Variants in CSMD1 observed in about 807,000 individuals in gnomAD.
CSMD1 encodes CUB and sushi domain-containing protein 1.
Under a neutral mutation model 417.5 loss-of-function variants are expected in CSMD1, and 213 were observed. The ratio of observed to expected loss-of-function variants is 0.51; its 90% CI spans 0.46 to 0.57. CSMD1 has a LOEUF of 0.57. Among genes scored for constraint, CSMD1 ranks in the 20% least tolerant of loss-of-function variants. The pLI, the probability that CSMD1 is intolerant of heterozygous loss-of-function variation, is 0.00. For synonymous variants in CSMD1, 2,862 were observed against 1,736.8 expected, an observed-to-expected ratio of 1.65 and a Z score of -16.11; for missense variants, 6,923 against 4,529.7, an observed-to-expected ratio of 1.53 and a Z score of -15.17.
chr8:4,419,709 C>G (rs1797139775), intron 3 of CSMD1, among the ~76,000 whole-genome samples: 1 of 151,994 alleles, frequency 6.6e-6, no homozygotes, highest in Non-Finnish European at 1.5e-5. Flanking sequence ...ACAAATTAAC[C>G]AAAACAAAAC....
At position 4,395,814 on chromosome 8, in the gene CSMD1, C is replaced by T. The variant is rs573329528; in HGVS notation, c.415+24139G>A. Among the ~76,000 whole-genome samples the T allele has an allele frequency of 5.9e-5, 9 of 152,196 alleles. 1 individual carries two copies. The South Asian group carries it at 1.9e-3, about 32-fold the overall frequency. On this transcript the variant is annotated intron_variant, in intron 3 of 69. Transcript: ENST00000635120. ...CAATTCAATTATGCATGTGAACCCT[C>T]AAAGTAGATACACATTAACTTAGAA... is the stretch of plus-strand genomic sequence containing the variant.
intron 5 of CSMD1, among the ~76,000 whole-genome samples, chr8:3,914,526 C>G (rs1808682956): frequency 6.6e-6 from 1 of 152,056 alleles, no homozygotes; most frequent in Non-Finnish European, 1.5e-5. Flanking sequence ...TTTTGTAGCT[C>G]CTAACTAAAG....
intron 5 of CSMD1, among the ~76,000 whole-genome samples, chr8:3,896,530 G>C (rs1008857557): frequency 1.3e-5 from 2 of 151,384 alleles, no homozygotes; most frequent in African/African-American, 2.4e-5. Context: ...TTATTATTTT[G>C]AGACAGAGTC....
intron 1 of CSMD1, among the ~76,000 whole-genome samples, chr8:4,749,034 CTG>C (rs145891673): frequency 9.4e-5 from 14 of 149,382 alleles, no homozygotes; most frequent in Non-Finnish European, 1.8e-4. Context: ...TGACCCAAAA[CTG>C]TGTGTGTGTG....
At chr8:3,256,323 A>AGAGAG (rs1554487840) in intron 26 of CSMD1, among the ~76,000 whole-genome samples, 14 of 138,060 alleles carry the variant, frequency 1.0e-4, no homozygotes, top group South Asian at 8.9e-4. Context: ...AAAAAAAAAA[A>AGAGAG]AAGAGAAGAA....
At chr8:4,068,547 A>G (rs1193427111) in intron 3 of CSMD1, among the ~76,000 whole-genome samples, 1 of 152,266 alleles carries the variant, frequency 6.6e-6, no homozygotes, top group Non-Finnish European at 1.5e-5. Flanking sequence ...CATAAAATGT[A>G]TCCTCTGGAG....
chr8:4,415,955 G>C (rs1796913610), intron 3 of CSMD1, among the ~76,000 whole-genome samples: 1 of 152,082 alleles, frequency 6.6e-6, no homozygotes, highest in African/African-American at 2.4e-5. Flanking sequence ...AGCAGCCATG[G>C]GATCTCGGGA....
intron 1 of CSMD1, among the ~76,000 whole-genome samples, chr8:4,708,797 A>G (rs1808107457): frequency 6.6e-6 from 1 of 152,130 alleles, no homozygotes; most frequent in Non-Finnish European, 1.5e-5. Context: ...TTTGTAATAG[A>G]TGTTTAAATT....
chr8:4,070,190 A>G (rs184693337), intron 3 of CSMD1, among the ~76,000 whole-genome samples: 2 of 150,982 alleles, frequency 1.3e-5, no homozygotes, highest in Non-Finnish European at 3.0e-5. Flanking sequence ...CATTTACCAA[A>G]CCTCTTTTTT....
chr8:4,623,840 A>T (rs1801929534), intron 2 of CSMD1, among the ~76,000 whole-genome samples: 2 of 152,070 alleles, frequency 1.3e-5, no homozygotes, highest in African/African-American at 4.8e-5. Flanking sequence ...TGGCAACAAA[A>T]CTTAGAACAC....
chr8:4,698,871 A>T (rs1217339411), intron 1 of CSMD1, among the ~76,000 whole-genome samples: 2 of 151,444 alleles, frequency 1.3e-5, no homozygotes, highest in Non-Finnish European at 2.9e-5. Flanking sequence ...ACATTTTGGC[A>T]ATCCAACTCT....
intron 5 of CSMD1, among the ~76,000 whole-genome samples, chr8:3,992,076 C>A (rs982692663): frequency 6.7e-6 from 1 of 148,936 alleles, no homozygotes; most frequent in African/African-American, 2.4e-5. Flanking sequence ...ATCCCTACAC[C>A]TTCAGCTGGT....
chr8:3,255,223 C>T (rs56112985), intron 26 of CSMD1, among the ~76,000 whole-genome samples: 21,973 of 151,996 alleles, frequency 0.14, 1,689 homozygotes, highest in Admixed American at 0.19. Context: ...CTGACCATTC[C>T]TCTGGAAGTT....
At chr8:3,652,533 C>T (rs895120330) in intron 7 of CSMD1, among the ~76,000 whole-genome samples, 5 of 152,234 alleles carry the variant, frequency 3.3e-5, no homozygotes, top group Non-Finnish European at 7.3e-5. Context: ...TTCAGCATGG[C>T]TGGGGAGGCC....
At chr8:3,984,565 T>C (rs1223852315) in intron 5 of CSMD1, among the ~76,000 whole-genome samples, 2 of 151,354 alleles carry the variant, frequency 1.3e-5, no homozygotes, top group Non-Finnish European at 2.9e-5. Flanking sequence ...AAAATATATA[T>C]ATAGCCAAGT....
chr8:3,198,778 A>G (rs1276607854), intron 33 of CSMD1, among the ~76,000 whole-genome samples: 1 of 152,218 alleles, frequency 6.6e-6, no homozygotes, highest in Non-Finnish European at 1.5e-5. Flanking sequence ...ACGTAATAGT[A>G]TCAATAATGT....
intron 5 of CSMD1, among the ~76,000 whole-genome samples, chr8:3,851,779 C>T (rs999260971): frequency 6.6e-6 from 1 of 151,994 alleles, no homozygotes; most frequent in Non-Finnish European, 1.5e-5. Context: ...AGGAAGTGAC[C>T]ACAAGTCAGG....
chr8:3,603,715 T>A (rs1377585864), intron 8 of CSMD1, among the ~76,000 whole-genome samples: 1 of 152,212 alleles, frequency 6.6e-6, no homozygotes, highest in African/African-American at 2.4e-5. Context: ...TTTCCAAATT[T>A]TCTTAAAAAA....
chr8:3,071,687 G>A (rs1813331832), intron 49 of CSMD1, among the ~76,000 whole-genome samples: 1 of 152,094 alleles, frequency 6.6e-6, no homozygotes, highest in Non-Finnish European at 1.5e-5. Flanking sequence ...TTTGGAAAAT[G>A]TGAGCAAAAA....
Sources: gnomAD v4.1 joint callset for allele counts (sites outside exome capture counted in the v4.1 genomes callset) on GRCh38, gnomAD v4.1.1 for gene constraint, MANE v1.5 for transcripts, NCBI Gene and HGNC (gene_info 2026-07-23, HGNC 2026-07-21) for gene names.